Variants in CSMD1 observed in about 807,000 individuals in gnomAD.
CSMD1 encodes the protein CUB and Sushi multiple domains 1, also known as CUB and sushi domain-containing protein 1.
A neutral mutation model predicts 417.5 loss-of-function variants in CSMD1; 213 were observed. The observed-to-expected ratio is 0.51, with a 90% CI of 0.46 to 0.57. CSMD1 has a LOEUF of 0.57. Among genes scored for constraint, CSMD1 ranks in the 20% least tolerant of loss-of-function variants. The pLI, the probability that CSMD1 is intolerant of heterozygous loss-of-function variation, is 0.00. For missense variants in CSMD1, 6,923 were observed against 4,529.7 expected (o/e 1.53, Z -15.17); for synonymous variants, 2,862 against 1,736.8 (o/e 1.65, Z -16.11).
intron 3 of CSMD1, among the ~76,000 whole-genome samples, chr8:4,206,408 T>C (rs1204517936): frequency 6.6e-6 from 1 of 152,148 alleles, no homozygotes; most frequent in Non-Finnish European, 1.5e-5. Context: ...ACTGTTCAGT[T>C]CCCACCTATG....
intron 3 of CSMD1, among the ~76,000 whole-genome samples, chr8:4,417,523 A>G (rs1476520111): frequency 6.6e-6 from 1 of 152,066 alleles, no homozygotes; most frequent in African/African-American, 2.4e-5. Flanking sequence ...GTTAAATAAA[A>G]AAACATGAAT....
intron 47 of CSMD1, among the ~76,000 whole-genome samples, chr8:3,095,385 C>T (rs570610943): frequency 6.6e-5 from 10 of 152,112 alleles, no homozygotes; most frequent in Admixed American, 1.3e-4. Flanking sequence ...TAATGAGTTA[C>T]TTCTCTCTAC....
intron 3 of CSMD1, among the ~76,000 whole-genome samples, chr8:4,276,128 C>A (rs930970593): frequency 1.3e-5 from 2 of 152,068 alleles, no homozygotes; most frequent in South Asian, 4.1e-4. Flanking sequence ...TGGGTATATA[C>A]CCAAAGGGTT....
At position 3,025,129 on chromosome 8, in the gene CSMD1, T is replaced by C. The variant is rs1195615175; in HGVS notation, c.7855+4190A>G. ...ATTGTGTGGTGTTATTCTGAAACTG[T>C]GTATTGTGTGGTGTTATTCTGAAAC... On this transcript the variant is annotated intron_variant, in intron 51 of 69. Coordinates refer to ENST00000635120, the MANE Select transcript of CSMD1 (RefSeq NM_033225.6). 7.3e-5 allele frequency among the ~76,000 whole-genome samples: 11 copies of C among 151,004 alleles called. No homozygotes were observed. The East Asian group carries it at 1.9e-3, about 27-fold the overall frequency.
At chr8:4,733,407 T>G (rs1415456332) in intron 1 of CSMD1, among the ~76,000 whole-genome samples, 3 of 152,138 alleles carry the variant, frequency 2.0e-5, no homozygotes, top group East Asian at 1.9e-4. Flanking sequence ...AACCATATCT[T>G]GGAAAGAAGG....
At chr8:4,349,350 T>C (rs1800955658) in intron 3 of CSMD1, among the ~76,000 whole-genome samples, 1 of 152,196 alleles carries the variant, frequency 6.6e-6, no homozygotes, top group Admixed American at 6.5e-5. Flanking sequence ...ATGTAGGTGT[T>C]ATCGTATTTT....
chr8:4,904,622 G>A (rs758633455), intron 1 of CSMD1, among the ~76,000 whole-genome samples: 3 of 152,046 alleles, frequency 2.0e-5, no homozygotes, highest in Non-Finnish European at 4.4e-5. Context: ...GCCAGGGAGC[G>A]CCCAACCATC....
intron 26 of CSMD1, among the ~76,000 whole-genome samples, chr8:3,254,623 A>C (rs1800509797): frequency 6.6e-6 from 1 of 151,930 alleles, no homozygotes; most frequent in Admixed American, 6.6e-5. Flanking sequence ...CATTCATTTG[A>C]TCTTCCATCA....
At chr8:3,898,269 G>A (rs1807499280) in intron 5 of CSMD1, among the ~76,000 whole-genome samples, 1 of 152,080 alleles carries the variant, frequency 6.6e-6, no homozygotes, top group African/African-American at 2.4e-5. Flanking sequence ...CAAGAAGCAT[G>A]AATACAACCA....
intron 3 of CSMD1, among the ~76,000 whole-genome samples, chr8:4,257,817 C>T (rs189296688): frequency 6.6e-6 from 1 of 152,302 alleles, no homozygotes; most frequent in Admixed American, 6.5e-5. Context: ...CATGAGGTTG[C>T]ATGCATAGGG....
chr8:3,428,616 T>C (rs1053798102), intron 12 of CSMD1, among the ~76,000 whole-genome samples: 20 of 152,280 alleles, frequency 1.3e-4, no homozygotes, highest in African/African-American at 4.6e-4. Context: ...AGGGTGGAAC[T>C]TAGTACAGCC....
Position 3,489,135 on chromosome 8 carries a change from G to A in CSMD1, c.1448+4488C>T, listed in dbSNP as rs138559521. On this transcript the variant is annotated intron_variant, in intron 11 of 69. Transcript: ENST00000635120. ...AGCAGTCTTTTAATAAAAAGAGAAT[G>A]ATACCCTTTGACTCAGGATCAGCAG... Among the ~76,000 whole-genome samples the A allele has an allele frequency of 3.4e-3, 515 of 152,230 alleles. 2 individuals carry two copies. Among genetic ancestry groups the A allele is most frequent in the Non-Finnish European group, 6.0e-3 (411 of 68,022 alleles).
At chr8:4,842,838 G>T (rs1015797737) in intron 1 of CSMD1, among the ~76,000 whole-genome samples, 11 of 152,192 alleles carry the variant, frequency 7.2e-5, no homozygotes, top group African/African-American at 2.7e-4. Context: ...AAGTAGCGTA[G>T]CTGTTAAATC....
chr8:4,301,507 G>T (rs1413274986), intron 3 of CSMD1, among the ~76,000 whole-genome samples: 1 of 152,142 alleles, frequency 6.6e-6, no homozygotes, highest in African/African-American at 2.4e-5. Flanking sequence ...TCTATTGAAA[G>T]CTCTACTCTT....
intron 1 of CSMD1, among the ~76,000 whole-genome samples, chr8:4,771,035 A>G (rs2117145009): frequency 6.6e-6 from 1 of 152,352 alleles, no homozygotes; most frequent in Non-Finnish European, 1.5e-5. Flanking sequence ...AGATTCAGAA[A>G]GCAATATTTC....
At chr8:4,809,104 A>T (rs1374739316) in intron 1 of CSMD1, among the ~76,000 whole-genome samples, 4 of 152,210 alleles carry the variant, frequency 2.6e-5, no homozygotes, top group African/African-American at 4.8e-5. Flanking sequence ...AAACAGATGG[A>T]CCTTATTACC....
chr8:4,342,792 G>T (rs1272209616), intron 3 of CSMD1, among the ~76,000 whole-genome samples: 7 of 151,972 alleles, frequency 4.6e-5, no homozygotes, highest in Non-Finnish European at 1.0e-4. Flanking sequence ...AAGGGACTTG[G>T]AAAGGTGGTT....
chr8:3,533,972 T>C (rs368617484), intron 10 of CSMD1, among the ~76,000 whole-genome samples: 1 of 152,164 alleles, frequency 6.6e-6, no homozygotes, highest in African/African-American at 2.4e-5. Context: ...TGAAACAAAA[T>C]TTTGTTTTGG....
intron 3 of CSMD1, among the ~76,000 whole-genome samples, chr8:4,285,187 T>C (rs943327943): frequency 6.6e-6 from 1 of 152,236 alleles, no homozygotes; most frequent in Non-Finnish European, 1.5e-5. Flanking sequence ...TGTTTTTGTA[T>C]GTCAAGGAGT....
Sources: gnomAD v4.1 joint callset for allele counts (sites outside exome capture counted in the v4.1 genomes callset) on GRCh38, gnomAD v4.1.1 for gene constraint, MANE v1.5 for transcripts, NCBI Gene and HGNC (gene_info 2026-07-23, HGNC 2026-07-21) for gene names.